The following INTS6 variants were observed in gnomAD, a reference collection of about 807,000 sequenced individuals.
INTS6 encodes DEAD box protein.
Under a neutral mutation model 104.9 loss-of-function variants are expected in INTS6, and 16 were observed. The ratio of observed to expected loss-of-function variants is 0.15; its 90% CI spans 0.10 to 0.23. The LOEUF is 0.23. Among genes scored for constraint, INTS6 ranks in the 10% least tolerant of loss-of-function variants. The pLI is 1.00. For missense variants in INTS6, 584 were observed against 1,062.8 expected, an observed-to-expected ratio of 0.55 and a Z score of 6.26; for synonymous variants, 324 against 358.7, an observed-to-expected ratio of 0.90 and a Z score of 1.09.
At chr13:51,392,509 C>A in intron 5 of INTS6, among the ~76,000 whole-genome samples, 1 of 152,240 alleles carries the variant, frequency 6.6e-6, no homozygotes, top group Non-Finnish European at 1.5e-5. Context: ...TAAGCTCCAG[C>A]CATGCTAGCC....
At position 51,399,345 on chromosome 13, in the gene INTS6, T is replaced by C. The variant is rs542684513; in HGVS notation, c.430-3862A>G. On this transcript the variant is annotated intron_variant, in intron 4 of 17. Transcript: ENST00000311234. Reference sequence around the variant, plus strand: ...CCTCAGCCTCCCAAGTAGGTAGGACTACAGGCACGTGCCACCACACTCAGC... The same window carrying C: ...CCTCAGCCTCCCAAGTAGGTAGGACCACAGGCACGTGCCACCACACTCAGC... 5.2e-4 allele frequency among the ~76,000 whole-genome samples: 79 copies of C among 152,294 alleles called. No individual in the cohort carries two copies. In the South Asian group the frequency reaches 6.8e-3, roughly 13 times the overall value.
chr13:51,408,146 G>T (rs1180429688), intron 4 of INTS6, among the ~76,000 whole-genome samples: 3 of 141,058 alleles, frequency 2.1e-5, no homozygotes, highest in Non-Finnish European at 4.7e-5. Flanking sequence ...ATTGAGATGG[G>T]TTTTTTTTTT....
chr13:51,397,037 A>C (rs1956352274), intron 4 of INTS6, among the ~76,000 whole-genome samples: 1 of 152,198 alleles, frequency 6.6e-6, no homozygotes, highest in African/African-American at 2.4e-5. Flanking sequence ...TTCTACAAAT[A>C]CTGGAGTATA....
chr13:51,413,291 T>C (rs754442846), intron 4 of INTS6, among the ~76,000 whole-genome samples: 3 of 152,202 alleles, frequency 2.0e-5, no homozygotes, highest in Non-Finnish European at 4.4e-5. Flanking sequence ...ACCTGGGTAT[T>C]TCTTCTCACT....
rs1281593113 is a variant in INTS6, at chr13:51,373,222, GAC to G, written c.2104+984_2104+985del. Among the ~76,000 whole-genome samples, 77 of 150,092 alleles carry G rather than the reference GAC, an allele frequency of 5.1e-4. 1 individual carries two copies. Among genetic ancestry groups the G allele is most frequent in the African/African-American group, 1.8e-3 (74 of 40,864 alleles). The stretch of plus-strand genomic sequence containing the variant: ...GTTTGGTTTTTTTTTTTTTGGGTAA[GAC>G]AACTTCAAAGGCAGTATTGGATACT... On this transcript the variant is annotated intron_variant, in intron 15 of 17. Transcript: ENST00000311234.
downstream of INTS6, chr13:51,361,472 G>A: frequency 1.3e-6 from 1 of 745,444 alleles, no homozygotes; most frequent in Non-Finnish European, 2.2e-6. Flanking sequence ...CCCAAGTTCA[G>A]GTGTGGTGTA....
chr13:51,377,341 G>T (rs1955954382), intron 12 of INTS6, among the ~76,000 whole-genome samples: 1 of 152,162 alleles, frequency 6.6e-6, no homozygotes. Flanking sequence ...CTTTTAAAGA[G>T]CAAAGTTTAT....
intron 4 of INTS6, among the ~76,000 whole-genome samples, chr13:51,415,487 G>C (rs1411016091): frequency 6.6e-6 from 1 of 152,118 alleles, no homozygotes; most frequent in African/African-American, 2.4e-5. Flanking sequence ...TCTCATGATA[G>C]GGAATAAGTC....
chr13:51,421,376 A>C, intron 4 of INTS6: 26 of 780,064 alleles, frequency 3.3e-5, no homozygotes, highest in African/African-American at 3.8e-5. Flanking sequence ...AAACAAAACA[A>C]AGGGGGAAAA....
intron 3 of INTS6, chr13:51,354,902 G>T: frequency 1.6e-6 from 1 of 615,076 alleles, no homozygotes; most frequent in Non-Finnish European, 2.9e-6. Flanking sequence ...TTATGGGAAG[G>T]CGCCATGGAA....
intron 4 of INTS6, among the ~76,000 whole-genome samples, chr13:51,424,603 C>G (rs915623672): frequency 2.0e-5 from 3 of 151,952 alleles, no homozygotes; most frequent in Non-Finnish European, 4.4e-5. Flanking sequence ...TACAAATGGT[C>G]TACATTCAAC....
chr13:51,344,522 A>T, the INTS6 span: 1 of 1,471,578 alleles, frequency 6.8e-7, no homozygotes, highest in Non-Finnish European at 9.3e-7. Context: ...AGGCTAAGGC[A>T]GAGGGCTGCA....
At chr13:51,350,564 C>T (rs1041250347), downstream of INTS6, among the ~76,000 whole-genome samples, 1 of 152,126 alleles carries the variant, frequency 6.6e-6, no homozygotes, top group African/African-American at 2.4e-5. Context: ...GAGTTTTGCC[C>T]TTCCTCCCAG....
chr13:51,422,296 C>A (rs1956909097), intron 4 of INTS6, among the ~76,000 whole-genome samples: 1 of 151,976 alleles, frequency 6.6e-6, no homozygotes, highest in South Asian at 2.1e-4. Context: ...AATACTAAAC[C>A]AGTATATTTT....
intron 5 of INTS6, among the ~76,000 whole-genome samples, chr13:51,393,423 A>T (rs1469811630): frequency 6.6e-6 from 1 of 152,156 alleles, no homozygotes; most frequent in South Asian, 2.1e-4. Flanking sequence ...CAGTGATTAC[A>T]TATTTGGATA....
chr13:51,337,354 G>A, the INTS6 span, among the ~76,000 whole-genome samples: 1 of 152,234 alleles, frequency 6.6e-6, no homozygotes, highest in African/African-American at 2.4e-5. Flanking sequence ...GAATCGGCTA[G>A]TGAAAAATGT....
At chr13:51,372,837 A>T (rs1955837720) in intron 15 of INTS6, among the ~76,000 whole-genome samples, 1 of 152,198 alleles carries the variant, frequency 6.6e-6, no homozygotes, top group Non-Finnish European at 1.5e-5. Flanking sequence ...CGGGTTTCCC[A>T]ACTGATTCCT....
At chr13:51,433,283 G>T (rs942626911) in intron 3 of INTS6, among the ~76,000 whole-genome samples, 3 of 152,012 alleles carry the variant, frequency 2.0e-5, no homozygotes, top group South Asian at 4.1e-4. Flanking sequence ...TCGTCTCCAT[G>T]AAAAAATACA....
At chr13:51,346,580 A>C in the INTS6 span, among the ~76,000 whole-genome samples, 10 of 151,810 alleles carry the variant, frequency 6.6e-5, no homozygotes. Flanking sequence ...CACTGCCCCC[A>C]CCTCCCCTGA....
Sources: allele counts gnomAD v4.1 joint callset (sites outside exome capture counted in the v4.1 genomes callset), GRCh38; gene constraint gnomAD v4.1.1; transcripts MANE v1.5; gene names NCBI Gene and HGNC (gene_info 2026-07-23, HGNC 2026-07-21).